The following DOCK8 variants were observed in gnomAD, a reference collection of about 807,000 sequenced individuals.
DOCK8 encodes the protein dedicator of cytokinesis 8, also known as dedicator of cytokinesis protein 8.
In DOCK8, 141 loss-of-function variants were observed where a neutral mutation model predicts 245.6. The ratio of observed to expected loss-of-function variants is 0.57; its 90% CI spans 0.50 to 0.66. The LOEUF (loss-of-function observed/expected upper bound fraction) is 0.66, where lower values mean the gene tolerates loss of function less well. Ranked by LOEUF, DOCK8 falls within the 30% of genes least tolerant of loss-of-function variation. The probability of loss-of-function intolerance (pLI) is 0.00; values close to 1 mark genes in which losing one functional copy is unlikely to be tolerated. For synonymous variants in DOCK8, 1,168 were observed against 970.2 expected (o/e 1.20, Z -3.79); for missense variants, 2,965 against 2,603.4 (o/e 1.14, Z -3.02).
chr9:400,148 CCAT>C lies in DOCK8; in HGVS notation c.3234+892_3234+894del, dbSNP rs1477790979. ...ATCTTCACCATCACCACCACCTCCA[CCAT>C]CACCACCACCACCACCTCCACCATC... On this transcript the variant is annotated intron_variant, in intron 26 of 47. Transcript: ENST00000432829. 1.1e-3 allele frequency among the ~76,000 whole-genome samples: 77 copies of C among 68,412 alleles called. 2 individuals carry two copies. Among genetic ancestry groups the C allele is most frequent in the Admixed American group, 1.7e-3 (10 of 5,952 alleles). 44.9% of individuals were successfully genotyped at this position (68,412 alleles called of 152,430 possible).
chr9:232,499 G>C (rs953066613), intron 1 of DOCK8, among the ~76,000 whole-genome samples: 2 of 152,178 alleles, frequency 1.3e-5, no homozygotes, highest in Non-Finnish European at 2.9e-5. Context: ...ACCTCTGGTA[G>C]AATTTGGCTG....
At chr9:429,539 T>G (rs902374200) in intron 35 of DOCK8, among the ~76,000 whole-genome samples, 163 bp from the exon 36 acceptor site, 1 of 152,236 alleles carries the variant, frequency 6.6e-6, no homozygotes, top group Non-Finnish European at 1.5e-5. Context: ...ACTCCATTGC[T>G]TAAATCCATC....
rs2057902202 is a variant in DOCK8 at position 464,186 on chromosome 9, G to C, written c.6267G>C (p.Arg2089Ser). 6.2e-7 allele frequency: 1 copy of C among 1,613,852 alleles called. No homozygotes were observed. The highest frequency in any genetic ancestry group is 8.5e-7 in the Non-Finnish European group (1 of 1,179,918). Reference sequence around the variant, plus strand: ...ACTCCTTCCACAGATCTAGTTTCAGGAAATGTGAAACCCAGTTGTCACAGG... The same window carrying C: ...ACTCCTTCCACAGATCTAGTTTCAGCAAATGTGAAACCCAGTTGTCACAGG... ...KRDSFHRSSF[R>S]KCETQLSQGS Residue 2089 changes from arginine to serine, a missense_variant, in exon 48 of 48, where the codon AGG becomes AGC. Arg to Ser is a moderately radical substitution (Grantham distance 110, BLOSUM62 -1). Transcript: ENST00000432829.
At chr9:457,349 C>T (rs953916640) in intron 46 of DOCK8, among the ~76,000 whole-genome samples, 3 of 152,178 alleles carry the variant, frequency 2.0e-5, no homozygotes, top group Admixed American at 1.3e-4. Flanking sequence ...AATTGTACCT[C>T]TCCCTTGCAG....
At chr9:350,102 C>T (rs1413208504) in intron 14 of DOCK8, among the ~76,000 whole-genome samples, 3 of 152,108 alleles carry the variant, frequency 2.0e-5, no homozygotes, top group Non-Finnish European at 2.9e-5. Flanking sequence ...TCTGTTTTCT[C>T]ATGCCCTTCT....
Position 370,249 on chromosome 9 carries a change from G to A in DOCK8, c.1817G>A (p.Ser606Asn), listed in dbSNP as rs778451048. ...NAMPVIFGKS[S>N]GPEFLQEVYT... is the part of the protein sequence containing the mutation. ...GAACAGGTCATCTTTGGAAAATCCA[G>A]CGGGCCTGAATTTCTGCAGGAAGTG... The change falls in exon 16 of 48, where the codon AGC becomes AAC. Residue 606 changes from serine (S) to asparagine (N), a missense_variant. Physicochemically the swap from Ser to Asn is conservative, Grantham distance 46. Around this residue, in one of 3 missense-constraint regions of DOCK8, gnomAD observed 2,825 missense variants for 2,453.5 expected, o/e 1.15. Transcript: ENST00000432829. The A allele has an allele frequency of 4.3e-5, 69 of 1,613,968 alleles. No individual in the cohort carries two copies. The highest frequency in any genetic ancestry group is 2.9e-4 in the South Asian group (26 of 91,086).
At chr9:336,991 C>T (rs923442299) in intron 12 of DOCK8, among the ~76,000 whole-genome samples, 2 of 152,114 alleles carry the variant, frequency 1.3e-5, no homozygotes, top group Admixed American at 1.3e-4. Context: ...TCTGTAGAGT[C>T]CTGAGGTGGA....
chr9:323,554 G>A (rs1433456608), intron 7 of DOCK8, among the ~76,000 whole-genome samples: 1 of 152,116 alleles, frequency 6.6e-6, no homozygotes, highest in Admixed American at 6.6e-5. Flanking sequence ...TTAAGGTACA[G>A]TTCAGTGGTG....
chr9:353,828 G>A (rs976884388), intron 14 of DOCK8, among the ~76,000 whole-genome samples: 1 of 152,070 alleles, frequency 6.6e-6, no homozygotes, highest in African/African-American at 2.4e-5. Context: ...GTGGTGCTTT[G>A]GGGGAAAAGG....
rs751395001 is a variant in DOCK8, at chr9:386,337, G to C, written c.2785G>C (p.Asp929His). 1 of 1,613,486 alleles carries C rather than the reference G, an allele frequency of 6.2e-7. No homozygotes were observed. Among genetic ancestry groups the C allele is most frequent in the Non-Finnish European group, 8.5e-7 (1 of 1,179,632 alleles). The change falls in exon 23 of 48, where the codon GAT becomes CAT. Residue 929 changes from aspartate to histidine, a missense_variant. Around this residue, in one of 3 missense-constraint regions of DOCK8, gnomAD observed 2,825 missense variants for 2,453.5 expected, o/e 1.15. Coordinates refer to ENST00000432829, the MANE Select transcript of DOCK8 (RefSeq NM_203447.4). The part of the protein sequence containing the change: ...VKNIMSSKIA[D>H]RNCSRMSYYC... The stretch of plus-strand genomic sequence containing the variant: ...CATGGTTTGTGTATTTTAGATCGCC[G>C]ATCGCAACTGCAGCCGAATGTCTTA...
At chr9:237,659 A>G (rs2047286533) in intron 1 of DOCK8, among the ~76,000 whole-genome samples, 1 of 152,196 alleles carries the variant, frequency 6.6e-6, no homozygotes, top group Non-Finnish European at 1.5e-5. Flanking sequence ...TGTCTCAGAA[A>G]AAATAATAAT....
At chr9:304,963 G>T (rs1198168395) in intron 5 of DOCK8, among the ~76,000 whole-genome samples, 3 of 152,032 alleles carry the variant, frequency 2.0e-5, no homozygotes, top group Non-Finnish European at 4.4e-5. Flanking sequence ...GACACCTTGG[G>T]CCCATCCCTA....
intron 1 of DOCK8, among the ~76,000 whole-genome samples, chr9:233,856 G>T (rs1646467062): frequency 6.6e-6 from 1 of 152,022 alleles, no homozygotes; most frequent in Non-Finnish European, 1.5e-5. Flanking sequence ...TATCCAATTT[G>T]CCAGTCTGTG....
intron 26 of DOCK8, 100 bp from the exon 27 acceptor site, chr9:404,818 T>A: frequency 7.9e-7 from 1 of 1,273,618 alleles, no homozygotes; most frequent in South Asian, 1.2e-5. Context: ...TTAAATTGAT[T>A]GCCTTAACCT....
intron 1 of DOCK8, among the ~76,000 whole-genome samples, chr9:233,556 A>T (rs2047171265): frequency 6.6e-6 from 1 of 151,396 alleles, no homozygotes; most frequent in Non-Finnish European, 1.5e-5. Context: ...GTCACTAAGG[A>T]CTTGCTTTAT....
chr9:366,082 G>T (rs528353009), intron 14 of DOCK8: 1 of 170,270 alleles, frequency 5.9e-6, no homozygotes, highest in Non-Finnish European at 1.3e-5. Flanking sequence ...TTTATCATGT[G>T]TCTCATCTTT....
chr9:356,427 G>A (rs1287532678), intron 14 of DOCK8, among the ~76,000 whole-genome samples: 3 of 151,954 alleles, frequency 2.0e-5, no homozygotes, highest in Non-Finnish European at 4.4e-5. Context: ...CTACTCCGGA[G>A]GCTGAGGCAG....
chr9:456,634 C>T (rs1167511125), intron 46 of DOCK8: 2 of 152,228 alleles, frequency 1.3e-5, no homozygotes, highest in Admixed American at 6.5e-5. Context: ...GCAGCCAGTA[C>T]TCATCCAGCC....
chr9:372,031 A>C (rs1443662924), intron 17 of DOCK8, among the ~76,000 whole-genome samples, 154 bp from the exon 18 acceptor site: 2 of 152,240 alleles, frequency 1.3e-5, no homozygotes. Flanking sequence ...CGGAGATTTA[A>C]AATGCAAAGA....
Sources: gnomAD v4.1 joint callset for allele counts (sites outside exome capture counted in the v4.1 genomes callset) on GRCh38, gnomAD v4.1.1 for gene constraint, gnomAD v4.1.1 regional missense constraint, MANE v1.5 for transcripts, NCBI Gene and HGNC (gene_info 2026-07-23, HGNC 2026-07-21) for gene names.